The following C1orf198 variants were observed in gnomAD, a reference collection of about 807,000 sequenced individuals.
C1orf198 encodes chromosome 1 open reading frame 198, also known as uncharacterized protein C1orf198.
A neutral mutation model predicts 31.4 loss-of-function variants in C1orf198; 17 were observed. The ratio of observed to expected loss-of-function variants is 0.54; its 90% CI spans 0.37 to 0.81. C1orf198 has a LOEUF of 0.81. Among genes scored for constraint, C1orf198 ranks in the 40% least tolerant of loss-of-function variants. The pLI is 0.00. For missense variants in C1orf198, 401 were observed against 450.3 expected (o/e 0.89, Z 0.99); for synonymous variants, 175 against 193.8 (o/e 0.90, Z 0.81).
rs6679397 is a variant in C1orf198, at chr1:230,845,161, T to A, written c.385-1265A>T. Among the ~76,000 whole-genome samples, 702 of 150,204 alleles carry A rather than the reference T, an allele frequency of 4.7e-3. 7 individuals carry two copies. Among genetic ancestry groups the A allele is most frequent in the African/African-American group, 0.016 (629 of 40,420 alleles). On this transcript the variant is annotated intron_variant, in intron 2 of 3. Transcript: ENST00000366663. ...GATAGAAAATCGCTTGAGCCCAGTTTGAGACCAGCCTGGGCAACAAGTGAG... is the reference window on the plus strand; with the variant it reads ...GATAGAAAATCGCTTGAGCCCAGTTAGAGACCAGCCTGGGCAACAAGTGAG...
At chr1:230,841,114 T>C (rs1236254295) in intron 3 of C1orf198, among the ~76,000 whole-genome samples, 1 of 152,058 alleles carries the variant, frequency 6.6e-6, no homozygotes, top group Non-Finnish European at 1.5e-5. Flanking sequence ...GAAAGAGTGC[T>C]GGTTAGGGAG....
intron 3 of C1orf198, among the ~76,000 whole-genome samples, chr1:230,841,268 G>A (rs1669433642): frequency 1.3e-5 from 2 of 152,164 alleles, no homozygotes; most frequent in Admixed American, 6.5e-5. Flanking sequence ...GCAGAAACAC[G>A]AAGAGGACAG....
rs1047957375 is a variant in C1orf198, at chr1:230,843,057, C to T, written c.927+297G>A. On this transcript the variant is annotated intron_variant, in intron 3 of 3. Coordinates refer to ENST00000366663, the MANE Select transcript of C1orf198 (RefSeq NM_032800.3). The surrounding 1 kb of genome is among the most constrained non-coding windows in gnomAD (Gnocchi z 4.9). ...TGAGCTGTGACAGCCCTGGGCGCAG[C>T]GCCTTCCAGGGGCCTCTTCTGATAG... 1.3e-5 allele frequency among the ~76,000 whole-genome samples: 2 copies of T among 152,268 alleles called. No individual in the cohort carries two copies. The highest frequency in any genetic ancestry group is 2.4e-5 in the African/African-American group (1 of 41,476).
intron 2 of C1orf198, among the ~76,000 whole-genome samples, chr1:230,844,655 GCA>G (rs1669539517): frequency 2.0e-5 from 3 of 152,174 alleles, no homozygotes; most frequent in African/African-American, 7.2e-5. Context: ...TGTGGTTCTA[GCA>G]CCTTCCTGGC....
At chr1:230,865,594 G>A (rs1413894592) in intron 1 of C1orf198, among the ~76,000 whole-genome samples, 1 of 152,184 alleles carries the variant, frequency 6.6e-6, no homozygotes, top group African/African-American at 2.4e-5. Context: ...CTCCTTCCCT[G>A]AGGAGAACCA....
rs1221482405 is a variant in C1orf198, at chr1:230,837,725, C to A, written c.*2127G>T. On this transcript the variant is annotated 3_prime_UTR_variant, in exon 4 of 4. Transcript: ENST00000366663. ...ACAGCAAAGCAATACAACTTGAGGA[C>A]TCCCTCCAAGATTTCCTAATTTTTG... 7 of 152,174 alleles carry A rather than the reference C, an allele frequency of 4.6e-5. No homozygotes were observed. The highest frequency in any genetic ancestry group is 3.9e-4 in the Admixed American group (6 of 15,282). 9.4% of individuals were successfully genotyped at this position (152,174 alleles called of 1,614,324 possible).
intron 2 of C1orf198, among the ~76,000 whole-genome samples, chr1:230,847,937 C>T (rs1669638387): frequency 6.6e-6 from 1 of 152,196 alleles, no homozygotes; most frequent in Non-Finnish European, 1.5e-5. Context: ...GAAGGTGAGA[C>T]AGAACTTCCT....
intron 1 of C1orf198, among the ~76,000 whole-genome samples, chr1:230,856,903 C>T (rs931806609): frequency 1.3e-5 from 2 of 152,208 alleles, no homozygotes; most frequent in Admixed American, 1.3e-4. Flanking sequence ...GGTCTGGCTT[C>T]CCTCTCCTCT....
intron 2 of C1orf198, among the ~76,000 whole-genome samples, chr1:230,849,171 A>T (rs1294652296): frequency 6.6e-6 from 1 of 152,204 alleles, no homozygotes; most frequent in Non-Finnish European, 1.5e-5. Flanking sequence ...CACAGCCTAG[A>T]CTTTCCTAGA....
At chr1:230,851,647 C>T (rs985481371) in intron 2 of C1orf198, among the ~76,000 whole-genome samples, 1 of 152,174 alleles carries the variant, frequency 6.6e-6, no homozygotes, top group African/African-American at 2.4e-5. Context: ...CAATCACGAC[C>T]ACCCCCACCC....
chr1:230,862,352 G>A (rs1167227705), intron 1 of C1orf198, among the ~76,000 whole-genome samples: 2 of 152,182 alleles, frequency 1.3e-5, no homozygotes, highest in African/African-American at 4.8e-5. Context: ...TATTACAGGA[G>A]TGAGGTAATC....
At chr1:230,844,304 G>A (rs1337037836) in intron 2 of C1orf198, among the ~76,000 whole-genome samples, 1 of 151,904 alleles carries the variant, frequency 6.6e-6, no homozygotes, top group Non-Finnish European at 1.5e-5. Flanking sequence ...GTTTAAAAGG[G>A]TGTGGCACCT....
Position 230,843,825 on chromosome 1 carries a change from G to A in C1orf198, c.456C>T (p.Pro152=), listed in dbSNP as rs766899398. 6.4e-6 allele frequency: 10 copies of A among 1,566,246 alleles called. No homozygotes were observed. The highest frequency in any genetic ancestry group is 8.6e-6 in the Non-Finnish European group (10 of 1,157,848). The change falls in exon 3 of 4, where the codon CCC becomes CCT. Residue 152 remains proline, a synonymous_variant. Transcript: ENST00000366663. This position sits in a 1 kb window ranked among gnomAD's most constrained non-coding sequence, Gnocchi z 4.9. The part of the protein sequence containing the change: ...EPSNGTAASE[P]RPLSKASQGS... ...CCTGGGAAGCTTTGGACAGTGGTCT[G>A]GGCTCGCTGGCGGCGGTGCCGTTGC... is the stretch of plus-strand genomic sequence containing the variant.
chr1:230,859,699 C>T (rs1385474885), intron 1 of C1orf198, among the ~76,000 whole-genome samples: 1 of 152,134 alleles, frequency 6.6e-6, no homozygotes, highest in African/African-American at 2.4e-5. Context: ...CCACGCAGCT[C>T]CAAGGACTCC....
chr1:230,853,996 T>A (rs1669805909), intron 2 of C1orf198, among the ~76,000 whole-genome samples: 1 of 152,216 alleles, frequency 6.6e-6, no homozygotes, highest in South Asian at 2.1e-4. Context: ...GAATGTCATT[T>A]ATGCCAAGTT....
intron 1 of C1orf198, among the ~76,000 whole-genome samples, chr1:230,858,657 A>ACACCTG (rs1477928706): frequency 5.3e-5 from 8 of 152,194 alleles, no homozygotes; most frequent in African/African-American, 1.9e-4. Flanking sequence ...AAGTGCATGA[A>ACACCTG]CACCTGCGGG....
Position 230,839,180 on chromosome 1 carries a change from C to A in C1orf198, c.*672G>T, listed in dbSNP as rs965333006. 2.0e-5 allele frequency: 3 copies of A among 152,224 alleles called. No individual in the cohort carries two copies. The highest frequency in any genetic ancestry group is 6.5e-5 in the Admixed American group (1 of 15,280). 9.4% of individuals were successfully genotyped at this position (152,224 alleles called of 1,614,324 possible). A position where few individuals can be genotyped will look rare whatever the true frequency, so the allele number is the denominator to read the frequency against. On this transcript the variant is annotated 3_prime_UTR_variant, in exon 4 of 4. Coordinates refer to ENST00000366663, the MANE Select transcript of C1orf198 (RefSeq NM_032800.3). ...GCTAGTACAAAACTCTTTAAACATGCAACTCTTTTTAAACAACAATCCATA... is the reference window on the plus strand; with the variant it reads ...GCTAGTACAAAACTCTTTAAACATGAAACTCTTTTTAAACAACAATCCATA...
upstream of C1orf198, chr1:230,868,687 G>T: frequency 3.2e-6 from 1 of 310,766 alleles, no homozygotes; most frequent in Non-Finnish European, 4.9e-6. Context: ...GCCCTCCGTG[G>T]CCCCCTCCCC....
upstream of C1orf198, chr1:230,869,175 G>C (rs1376921121): frequency 6.6e-6 from 1 of 152,320 alleles, no homozygotes; most frequent in African/African-American, 2.4e-5. Flanking sequence ...ACCGGTTCGG[G>C]GCATCTGGTG....
Sources: gnomAD v4.1 joint callset for allele counts (sites outside exome capture counted in the v4.1 genomes callset) on GRCh38, gnomAD v4.1.1 for gene constraint, Gnocchi (gnomAD v3.1) non-coding constraint, MANE v1.5 for transcripts, NCBI Gene and HGNC (gene_info 2026-07-23, HGNC 2026-07-21) for gene names.